The following XPR1 variants were observed in gnomAD, a reference collection of about 807,000 sequenced individuals.
The protein encoded by XPR1 is xenotropic and polytropic retrovirus receptor 1, also known as solute carrier family 53 member 1.
Under a neutral mutation model 87.5 loss-of-function variants are expected in XPR1, and 28 were observed. The observed-to-expected ratio is 0.32, with a 90% CI of 0.24 to 0.44. The LOEUF is 0.44. XPR1 is among the 20% of genes least tolerant of loss of function. The probability of loss-of-function intolerance (pLI) is 1.00; values close to 1 mark genes in which losing one functional copy is unlikely to be tolerated. For synonymous variants in XPR1, 300 were observed against 306.1 expected (o/e 0.98, Z 0.21); for missense variants, 559 against 862.3 (o/e 0.65, Z 4.41).
chr1:180,686,616 T>C (rs915954520), intron 2 of XPR1, among the ~76,000 whole-genome samples: 8 of 152,122 alleles, frequency 5.3e-5, no homozygotes, highest in Non-Finnish European at 7.4e-5. Flanking sequence ...GGATATTGTT[T>C]TAACACTCCA....
At chr1:180,879,113 C>G (rs1397232814) in intron 13 of XPR1, among the ~76,000 whole-genome samples, 2 of 152,198 alleles carry the variant, frequency 1.3e-5, no homozygotes, top group African/African-American at 2.4e-5. Flanking sequence ...GACCAAAAAC[C>G]CTAAGACGAC....
At chr1:180,843,245 G>A (rs1651573439) in intron 11 of XPR1, among the ~76,000 whole-genome samples, 1 of 151,158 alleles carries the variant, frequency 6.6e-6, no homozygotes, top group Non-Finnish European at 1.5e-5. Flanking sequence ...AACACTAATT[G>A]TTTTTCATTC....
At chr1:180,746,858 G>T (rs1647276617) in intron 2 of XPR1, among the ~76,000 whole-genome samples, 1 of 152,040 alleles carries the variant, frequency 6.6e-6, no homozygotes, top group African/African-American at 2.4e-5. Context: ...TTTTTTGGGG[G>T]TTGGGGACCT....
Position 180,888,885 on chromosome 1 carries a change from A to C in XPR1, c.*4819A>C, listed in dbSNP as rs1653099976. 6.6e-6 allele frequency: 1 copy of C among 152,226 alleles called. No individual in the cohort carries two copies. The highest frequency in any genetic ancestry group is 6.5e-5 in the Admixed American group (1 of 15,288). 9.4% of individuals were successfully genotyped at this position (152,226 alleles called of 1,614,324 possible). A position where few individuals can be genotyped will look rare whatever the true frequency, so the allele number is the denominator to read the frequency against. On this transcript the variant is annotated 3_prime_UTR_variant, in exon 15 of 15. Transcript: ENST00000367590. ...GTTGGTGTTACAAACCAATGATCTA[A>C]CCAGCATACTCTCCAAATATGAAAA... is the stretch of plus-strand genomic sequence containing the variant.
intron 2 of XPR1, among the ~76,000 whole-genome samples, chr1:180,785,011 TTGTGTGTGTGTGTG>T (rs1186269708): frequency 3.7e-5 from 5 of 136,280 alleles, no homozygotes; most frequent in African/African-American, 1.1e-4. Context: ...GTGTGTGTGT[TTGTGTGTGTGTGTG>T]TGTGTGTGTG....
In XPR1 at chr1:180,824,893, A is replaced by G; in HGVS notation, c.904A>G (p.Ile302Val). 2 of 1,613,902 alleles carry G rather than the reference A, an allele frequency of 1.2e-6. No homozygotes were observed. The highest frequency in any genetic ancestry group is 1.7e-6 in the Non-Finnish European group (2 of 1,179,972). Residue 302 changes from isoleucine to valine, a missense_variant, in exon 8 of 15, where the codon ATC becomes GTC. Ile to Val is a conservative substitution (Grantham distance 29, BLOSUM62 3). This residue lies in a region of XPR1 where 264 missense variants were observed against 377.2 expected (regional missense o/e 0.70). Transcript: ENST00000367590. The stretch of plus-strand genomic sequence containing the variant: ...ACAGGCTGGAGTAAACCATGTACTC[A>G]TCTTTGAACTTAATCCGAGAAGCAA... ...WRQAGVNHVL[I>V]FELNPRSNLS...
chr1:180,684,857 G>A lies in XPR1; in HGVS notation c.121+2446G>A, dbSNP rs181296157. Among the ~76,000 whole-genome samples, 230 of 152,312 alleles carry A rather than the reference G, an allele frequency of 1.5e-3. 3 individuals carry two copies. The highest frequency in any genetic ancestry group is 5.3e-3 in the African/African-American group (222 of 41,550). On this transcript the variant is annotated intron_variant, in intron 2 of 14. Transcript: ENST00000367590. ...TGATTCTGTATCCTGAGACTTTGCT[G>A]AAGTTGCTTATCAGCTTGAGATTCT...
chr1:180,807,036 CAATA>C (rs1650017706), intron 6 of XPR1, among the ~76,000 whole-genome samples: 1 of 151,920 alleles, frequency 6.6e-6, no homozygotes, highest in Admixed American at 6.5e-5. Context: ...GAATAGAAAT[CAATA>C]ACAGAGCTTC....
At chr1:180,759,066 A>G (rs1647878917) in intron 2 of XPR1, among the ~76,000 whole-genome samples, 1 of 152,218 alleles carries the variant, frequency 6.6e-6, no homozygotes. Context: ...CTTTGAAACC[A>G]ATGAGAACAA....
chr1:180,795,379 T>G (rs939053094), intron 3 of XPR1, among the ~76,000 whole-genome samples: 1 of 152,196 alleles, frequency 6.6e-6, no homozygotes, highest in African/African-American at 2.4e-5. Context: ...TATCAAATAT[T>G]TAGTATGAGA....
intron 7 of XPR1, among the ~76,000 whole-genome samples, chr1:180,812,457 C>T (rs1299267921): frequency 6.6e-6 from 1 of 152,058 alleles, no homozygotes; most frequent in East Asian, 1.9e-4. Context: ...TGATTTTTAC[C>T]CCCAAATATG....
At chr1:180,678,143 G>T (rs1007858698) in intron 1 of XPR1, among the ~76,000 whole-genome samples, 4 of 152,218 alleles carry the variant, frequency 2.6e-5, no homozygotes, top group Non-Finnish European at 4.4e-5. Flanking sequence ...ATGGCACAGA[G>T]CCTGCACATT....
At chr1:180,813,047 C>CA (rs970701371) in intron 7 of XPR1, among the ~76,000 whole-genome samples, 35 of 146,024 alleles carry the variant, frequency 2.4e-4, no homozygotes, top group Non-Finnish European at 4.7e-4. Context: ...TTTTCCCCCC[C>CA]CCCAATGGAA....
At position 180,880,429 on chromosome 1, in the gene XPR1, A is replaced by G. The variant is rs529190010; in HGVS notation, c.2030+132A>G. On this transcript the variant is annotated intron_variant, in intron 14 of 14. Transcript: ENST00000367590. ...CTCAGCCATTTTTCACCTACAAAAAAACAGTAATAAGCAGCAATTCCATAT... is the reference window on the plus strand; with the variant it reads ...CTCAGCCATTTTTCACCTACAAAAAGACAGTAATAAGCAGCAATTCCATAT... 3.2e-6 allele frequency: 3 copies of G among 937,336 alleles called. No homozygotes were observed. In the African/African-American group the frequency reaches 4.9e-5, roughly 15 times the overall value. The allele number at this position is 937,336 out of a possible 1,614,324, so 58.1% of individuals were successfully genotyped here.
chr1:180,657,072 C>T (rs953318807), intron 1 of XPR1, among the ~76,000 whole-genome samples: 11 of 152,002 alleles, frequency 7.2e-5, no homozygotes, highest in Admixed American at 4.6e-4. Context: ...TTTTGATTTG[C>T]GTTTCTCTGA....
intron 2 of XPR1, among the ~76,000 whole-genome samples, chr1:180,759,534 C>T (rs376977168): frequency 3.7e-4 from 56 of 152,188 alleles, no homozygotes; most frequent in East Asian, 1.9e-3. Flanking sequence ...ATAAATTCCT[C>T]GACACATACA....
intron 2 of XPR1, among the ~76,000 whole-genome samples, chr1:180,761,323 G>A (rs1011132076): frequency 1.2e-3 from 190 of 152,238 alleles, no homozygotes; most frequent in African/African-American, 4.4e-3. Flanking sequence ...TACCATCAGA[G>A]TGAACAGGCA....
At chr1:180,690,779 C>T (rs934096103) in intron 2 of XPR1, among the ~76,000 whole-genome samples, 3 of 149,454 alleles carry the variant, frequency 2.0e-5, no homozygotes, top group Non-Finnish European at 4.4e-5. Flanking sequence ...ATCTAGTATC[C>T]GAAATAGGCA....
chr1:180,879,984 C>T, intron 13 of XPR1, 92 bp from the exon 14 acceptor site: 1 of 1,364,470 alleles, frequency 7.3e-7, no homozygotes, highest in South Asian at 1.3e-5. Flanking sequence ...TTTTTGTTTC[C>T]ATGAGTGGAA....
Sources: gnomAD v4.1 joint callset for allele counts (sites outside exome capture counted in the v4.1 genomes callset) on GRCh38, gnomAD v4.1.1 for gene constraint, gnomAD v4.1.1 regional missense constraint, MANE v1.5 for transcripts, NCBI Gene and HGNC (gene_info 2026-07-23, HGNC 2026-07-21) for gene names.